The following WDTC1 variants were observed in gnomAD, a reference collection of about 807,000 sequenced individuals.
WDTC1 encodes WD and tetratricopeptide repeats 1.
In WDTC1, 12 loss-of-function variants were observed where a neutral mutation model predicts 76.0. The ratio of observed to expected loss-of-function variants is 0.16; its 90% confidence interval spans 0.10 to 0.26. The LOEUF (loss-of-function observed/expected upper bound fraction) is 0.26, where lower values mean the gene tolerates loss of function less well. WDTC1 is among the 10% of genes least tolerant of loss of function. The pLI is 1.00. For missense variants in WDTC1, 511 were observed against 908.8 expected (o/e 0.56, Z 5.63); for synonymous variants, 326 against 350.8 (o/e 0.93, Z 0.79).
At chr1:27,279,409 G>A (rs562482908) in intron 3 of WDTC1, among the ~76,000 whole-genome samples, 5 of 152,156 alleles carry the variant, frequency 3.3e-5, no homozygotes, top group Non-Finnish European at 5.9e-5. Flanking sequence ...GTGGTGGCAC[G>A]CATCTCTAGT....
chr1:27,235,950 G>T (rs1269167219), intron 1 of WDTC1, among the ~76,000 whole-genome samples: 1 of 152,146 alleles, frequency 6.6e-6, no homozygotes, highest in Non-Finnish European at 1.5e-5. Context: ...AAGTGGCAGT[G>T]AAGTCTTCCC....
intron 12 of WDTC1, 70 bp downstream of exon 12, chr1:27,298,181 C>A: frequency 6.8e-7 from 1 of 1,476,962 alleles, no homozygotes; most frequent in Non-Finnish European, 9.0e-7. Flanking sequence ...AAGGCAGGGG[C>A]CTGATGGAGC....
Position 27,234,897 on chromosome 1 carries a change from C to T in WDTC1, c.-154C>T. ...CGGGAGAGGGGCCGCCCCCCCCGGA[C>T]GGACATGGGCTCCTGAAGTTGCGCC... On this transcript the variant is annotated 5_prime_UTR_variant, in exon 1 of 16. It adds an upstream start codon to the 5' untranslated region. Transcript: ENST00000319394. 2.5e-6 allele frequency: 1 copy of T among 395,226 alleles called. No homozygotes were observed. The highest frequency in any genetic ancestry group is 4.5e-6 in the Non-Finnish European group (1 of 223,914). The allele number at this position is 395,226 out of a possible 1,614,324, so 24.5% of individuals were successfully genotyped here. A position where few individuals can be genotyped will look rare whatever the true frequency, so the allele number is the denominator to read the frequency against.
chr1:27,277,468 CT>C (rs201215714), intron 3 of WDTC1, among the ~76,000 whole-genome samples: 11 of 149,104 alleles, frequency 7.4e-5, no homozygotes, highest in Non-Finnish European at 7.5e-5. Context: ...GCTTGACACT[CT>C]TTTTTTTTTA....
intron 1 of WDTC1, among the ~76,000 whole-genome samples, chr1:27,243,842 A>G (rs2011714185): frequency 6.6e-6 from 1 of 151,856 alleles, no homozygotes. Flanking sequence ...GTGTCAAGTC[A>G]GGGTCTGGCA....
chr1:27,283,258 C>A, intron 4 of WDTC1, 80 bp from the exon 5 acceptor site: 1 of 1,329,034 alleles, frequency 7.5e-7, no homozygotes. Flanking sequence ...AACCTAACTC[C>A]TTGTAAACTG....
At position 27,278,565 on chromosome 1, in the gene WDTC1, G is replaced by T. The variant is rs1014837317; in HGVS notation, c.133-3674G>T. Among the ~76,000 whole-genome samples the T allele has an allele frequency of 5.5e-4, 84 of 152,240 alleles. 1 individual carries two copies. Among genetic ancestry groups the T allele is most frequent in the Admixed American group, 1.6e-3 (25 of 15,280 alleles). On this transcript the variant is annotated intron_variant, in intron 3 of 15. Transcript: ENST00000319394. ...ACCTGTAAAACACCCTTAGGATCTG[G>T]CCTCTGCTCACCTCCCTGAGCCCAT...
At chr1:27,281,627 C>T (rs557077011) in intron 3 of WDTC1, among the ~76,000 whole-genome samples, 6 of 152,030 alleles carry the variant, frequency 3.9e-5, no homozygotes, top group South Asian at 4.2e-4. Context: ...CTGGCTCTGT[C>T]GCCCAGGCTG....
At chr1:27,288,667 G>GT (rs2013415405) in intron 6 of WDTC1, among the ~76,000 whole-genome samples, 1 of 151,484 alleles carries the variant, frequency 6.6e-6, no homozygotes, top group Admixed American at 6.6e-5. Context: ...AGGGTTGGGG[G>GT]TAAGGTCACA....
At chr1:27,253,311 G>T (rs899649123) in intron 1 of WDTC1, among the ~76,000 whole-genome samples, 10 of 149,638 alleles carry the variant, frequency 6.7e-5, no homozygotes, top group Non-Finnish European at 1.2e-4. Flanking sequence ...CACTGCGCCC[G>T]GCCGGCCTCC....
intron 3 of WDTC1, among the ~76,000 whole-genome samples, chr1:27,272,514 A>G (rs2012900907): frequency 6.6e-6 from 1 of 152,256 alleles, no homozygotes; most frequent in South Asian, 2.1e-4. Flanking sequence ...TAGCAATTCC[A>G]TAACTACTTT....
chr1:27,275,716 T>C, intron 3 of WDTC1, among the ~76,000 whole-genome samples: 1 of 152,192 alleles, frequency 6.6e-6, no homozygotes, highest in East Asian at 1.9e-4. Context: ...GATCAGCAAT[T>C]TGTGGCCAGT....
At chr1:27,295,443 T>C (rs114735861) in intron 9 of WDTC1, among the ~76,000 whole-genome samples, 401 of 152,050 alleles carry the variant, frequency 2.6e-3, no homozygotes, top group African/African-American at 8.8e-3. Flanking sequence ...TTTTTAAACA[T>C]GTGACGTGTT....
At chr1:27,244,127 C>CA (rs1189623454) in intron 1 of WDTC1, among the ~76,000 whole-genome samples, 2 of 151,474 alleles carry the variant, frequency 1.3e-5, no homozygotes. Flanking sequence ...GCCTGGGTGA[C>CA]AGAGCCAGAC....
chr1:27,266,375 A>C (rs781681356), intron 3 of WDTC1, among the ~76,000 whole-genome samples: 4 of 152,200 alleles, frequency 2.6e-5, no homozygotes, highest in Non-Finnish European at 5.9e-5. Flanking sequence ...GTTGGAGGGA[A>C]TACTATTTGC....
At chr1:27,235,711 G>A (rs1182908242) in intron 1 of WDTC1, among the ~76,000 whole-genome samples, 2 of 152,034 alleles carry the variant, frequency 1.3e-5, no homozygotes, top group South Asian at 2.1e-4. Context: ...CTCTGCGGGT[G>A]TACTCCCAGG....
At chr1:27,289,879 G>A (rs899512450) in intron 6 of WDTC1, among the ~76,000 whole-genome samples, 10 of 152,212 alleles carry the variant, frequency 6.6e-5, no homozygotes. Flanking sequence ...CAGGCACTCG[G>A]CAGGCTGAGG....
Position 27,297,059 on chromosome 1 carries a change from G to T in WDTC1, c.961G>T (p.Gly321Cys). ...CTATCTCCTGCCAGAAGTCCAGAATGGCAAGATGTCCACCAACGGTGTGTC... is the reference window on the plus strand; with the variant it reads ...CTATCTCCTGCCAGAAGTCCAGAATTGCAAGATGTCCACCAACGGTGTGTC... ...KCHSSGEVQN[G>C]KMSTNGVSNG... Residue 321 changes from glycine to cysteine, a missense_variant, in exon 11 of 16, where the codon GGC becomes TGC. Physicochemically the swap from Gly to Cys is radical, Grantham distance 159. Transcript: ENST00000319394. The T allele has an allele frequency of 6.2e-7, 1 of 1,613,964 alleles. No homozygotes were observed. The highest frequency in any genetic ancestry group is 1.1e-5 in the South Asian group (1 of 91,062).
Position 27,253,441 on chromosome 1 carries a change from T to C in WDTC1, c.-99-7515T>C, listed in dbSNP as rs1292669924. On this transcript the variant is annotated intron_variant, in intron 1 of 15. Coordinates refer to ENST00000319394, the MANE Select transcript of WDTC1 (RefSeq NM_001276252.2). ...CTCCTCCCTCCTCCCTCCTCCTCCTTCCTCCTCCTTCCTCTTCTCTTCTTC... is the reference window on the plus strand; with the variant it reads ...CTCCTCCCTCCTCCCTCCTCCTCCTCCCTCCTCCTTCCTCTTCTCTTCTTC... Among the ~76,000 whole-genome samples the C allele has an allele frequency of 9.2e-3, 1,049 of 113,954 alleles. 19 individuals are homozygous for C. Among genetic ancestry groups the C allele is most frequent in the African/African-American group, 0.032 (974 of 30,210 alleles). The allele number at this position is 113,954 out of a possible 152,430, so 74.8% of individuals were successfully genotyped here. A position where few individuals can be genotyped will look rare whatever the true frequency, so the allele number is the denominator to read the frequency against.
Sources: allele counts gnomAD v4.1 joint callset (sites outside exome capture counted in the v4.1 genomes callset), GRCh38; gene constraint gnomAD v4.1.1; transcripts MANE v1.5; gene names NCBI Gene and HGNC (gene_info 2026-07-23, HGNC 2026-07-21).